AGBL1: variants seen among roughly 807,000 people sequenced by gnomAD.
AGBL1 encodes AGBL carboxypeptidase 1.
In AGBL1, 130 loss-of-function variants were observed where a neutral mutation model predicts 118.9. The observed-to-expected ratio is 1.09, with a 90% CI of 0.95 to 1.26. The LOEUF is 1.26. AGBL1 is among the 50% of genes most tolerant of loss of function. The pLI is 0.00. For missense variants in AGBL1, 1,584 were observed against 1,298.1 expected (o/e 1.22, Z -3.38); for synonymous variants, 555 against 478.9 (o/e 1.16, Z -2.08).
At position 86,526,540 on chromosome 15, in the gene AGBL1, C is replaced by CTGTGTG. The variant is rs201896973; in HGVS notation, c.2685+3606_2685+3607insGTGTGT. On this transcript the variant is annotated intron_variant, in intron 19 of 22. Transcript: ENST00000614907. ...AATATGCACACAGATATGTTTGTGT[C>CTGTGTG]TGTGTATATATATATATATATATAT... 3.5e-3 allele frequency among the ~76,000 whole-genome samples: 171 copies of CTGTGTG among 48,660 alleles called. 1 individual carries two copies. The highest frequency in any genetic ancestry group is 0.012 in the African/African-American group (145 of 12,434). The allele number at this position is 48,660 out of a possible 152,430, so 31.9% of individuals were successfully genotyped here.
chr15:86,780,840 G>A (rs1360026111), intron 22 of AGBL1, among the ~76,000 whole-genome samples: 1 of 151,602 alleles, frequency 6.6e-6, no homozygotes, highest in Non-Finnish European at 1.5e-5. Context: ...GCTAATTTTT[G>A]TATTTTTAGT....
In AGBL1 at chr15:86,150,238, A is replaced by G. The variant is rs1378909844; in HGVS notation, c.263-4192A>G. Among the ~76,000 whole-genome samples, 6 of 152,310 alleles carry G rather than the reference A, an allele frequency of 3.9e-5. No homozygotes were observed. In the East Asian group the frequency reaches 1.2e-3, roughly 29 times the overall value. On this transcript the variant is annotated intron_variant, in intron 3 of 22. Coordinates refer to ENST00000614907, the MANE Select transcript of AGBL1 (RefSeq NM_001386094.1). ...AAGAACTAGAGAAACAAGAACAAAC[A>G]AATGCAAAAGCTAGCATAAGGCAAG...
At chr15:86,850,113 TAA>T (rs1348024995) in intron 22 of AGBL1, among the ~76,000 whole-genome samples, 1 of 152,154 alleles carries the variant, frequency 6.6e-6, no homozygotes, top group Non-Finnish European at 1.5e-5. Flanking sequence ...ATGGAAATGA[TAA>T]GAGAACTCTG....
Position 86,190,863 on chromosome 15 carries a change from G to A in AGBL1, c.488+31837G>A, listed in dbSNP as rs550480703. The stretch of plus-strand genomic sequence containing the variant: ...CTCTAAAAGATATAAGCAAGACGGC[G>A]TACAAAAGACATGAATAATTTAAGC... On this transcript the variant is annotated intron_variant, in intron 5 of 22. Coordinates refer to ENST00000614907, the MANE Select transcript of AGBL1 (RefSeq NM_001386094.1). 7.9e-5 allele frequency among the ~76,000 whole-genome samples: 12 copies of A among 152,238 alleles called. No homozygotes were observed. The East Asian group carries it at 1.7e-3, about 22-fold the overall frequency.
At chr15:86,181,464 A>G (rs2077551896) in intron 5 of AGBL1, among the ~76,000 whole-genome samples, 2 of 152,124 alleles carry the variant, frequency 1.3e-5, no homozygotes, top group South Asian at 4.1e-4. Context: ...AATGTAAAAT[A>G]AACTATGGTG....
rs75547078 is a variant in AGBL1, at chr15:86,852,734, T to C, written c.3159-54353T>C. ...CAACAAGCCATCCTGTGAACCTCTT[T>C]CCTGGAAGCAGGGAAGAGGAATGAG... is the stretch of plus-strand genomic sequence containing the variant. On this transcript the variant is annotated intron_variant, in intron 22 of 22. Transcript: ENST00000614907. Among the ~76,000 whole-genome samples, 859 of 152,270 alleles carry C rather than the reference T, an allele frequency of 5.6e-3. 4 individuals are homozygous for C. The highest frequency in any genetic ancestry group is 0.02 in the African/African-American group (813 of 41,548).
intron 21 of AGBL1, chr15:86,630,714 A>C (rs933137718): frequency 2.6e-5 from 4 of 152,270 alleles, no homozygotes; most frequent in African/African-American, 9.6e-5. Flanking sequence ...AGCTCTGCTC[A>C]GATAGCTCGA....
chr15:86,553,796 G>T (rs1266803370), intron 20 of AGBL1, among the ~76,000 whole-genome samples: 1 of 152,090 alleles, frequency 6.6e-6, no homozygotes, highest in Non-Finnish European at 1.5e-5. Context: ...TTATGGAGTT[G>T]GCCAGGTTGG....
chr15:86,979,750 G>A (rs771524233), intron 23 of AGBL1, among the ~76,000 whole-genome samples: 1 of 152,144 alleles, frequency 6.6e-6, no homozygotes, highest in Non-Finnish European at 1.5e-5. Context: ...TGATCTGCCC[G>A]CCTTGGCCTT....
intron 17 of AGBL1, among the ~76,000 whole-genome samples, chr15:86,329,260 C>T (rs965864965): frequency 6.6e-6 from 1 of 152,084 alleles, no homozygotes; most frequent in African/African-American, 2.4e-5. Flanking sequence ...AGGGCACCCA[C>T]TTGCCTGGAC....
intron 22 of AGBL1, among the ~76,000 whole-genome samples, chr15:86,812,989 T>G (rs765228945): frequency 6.6e-6 from 1 of 152,016 alleles, no homozygotes; most frequent in Non-Finnish European, 1.5e-5. Context: ...AGGAAATTTC[T>G]GGGCAGAATT....
chr15:86,335,701 A>G (rs188677720), intron 17 of AGBL1, among the ~76,000 whole-genome samples: 15 of 152,202 alleles, frequency 9.9e-5, no homozygotes, highest in African/African-American at 3.1e-4. Flanking sequence ...TCAAGAGTAA[A>G]ATAAGGTGTT....
chr15:86,787,452 C>T (rs1221215569), intron 22 of AGBL1, among the ~76,000 whole-genome samples: 2 of 152,098 alleles, frequency 1.3e-5, no homozygotes, highest in African/African-American at 4.8e-5. Context: ...CTAGTAATTG[C>T]TGTTCTAGTC....
At chr15:86,802,526 C>G (rs190889148) in intron 22 of AGBL1, among the ~76,000 whole-genome samples, 1 of 152,070 alleles carries the variant, frequency 6.6e-6, no homozygotes, top group Non-Finnish European at 1.5e-5. Flanking sequence ...TATAATTCTA[C>G]CCTCTTTATT....
intron 9 of AGBL1, among the ~76,000 whole-genome samples, chr15:86,260,102 A>G (rs2078959220): frequency 6.6e-6 from 1 of 152,276 alleles, no homozygotes; most frequent in East Asian, 1.9e-4. Flanking sequence ...GATGAATTGT[A>G]GAGAAGGAGA....
At position 86,247,679 on chromosome 15, in the gene AGBL1, G is replaced by A. The variant is rs987316890; in HGVS notation, c.535G>A (p.Gly179Ser). ...LAALLKSKSN[G>S]RRAVNRGYVT... is the part of the protein sequence containing the mutation. Reference sequence around the variant, plus strand: ...TTTCCCTTTGTTTTCAGAGTCGAACGGCCGCAGAGCAGTGAACCGAGGCTA... The same window carrying A: ...TTTCCCTTTGTTTTCAGAGTCGAACAGCCGCAGAGCAGTGAACCGAGGCTA... The change falls in exon 7 of 23, where the codon GGC becomes AGC. Residue 179 changes from glycine (G) to serine (S), a missense_variant. Gly to Ser is a moderately conservative substitution (Grantham distance 56). Transcript: ENST00000614907. 4 of 1,604,324 alleles carry A rather than the reference G, an allele frequency of 2.5e-6. No individual in the cohort carries two copies. Among genetic ancestry groups the A allele is most frequent in the Middle Eastern group, 1.7e-4 (1 of 6,000 alleles).
intron 1 of AGBL1, among the ~76,000 whole-genome samples, chr15:86,102,485 C>A (rs921026784): frequency 1.3e-5 from 2 of 152,078 alleles, no homozygotes; most frequent in Non-Finnish European, 1.5e-5. Flanking sequence ...GTGGTGATAC[C>A]TTTTCTCAGC....
chr15:86,529,392 A>C (rs987495896), intron 19 of AGBL1, among the ~76,000 whole-genome samples: 12 of 133,916 alleles, frequency 9.0e-5, no homozygotes, highest in African/African-American at 3.1e-4. Flanking sequence ...ATGAAGCGAG[A>C]AGGGAAGTTT....
At chr15:86,815,014 T>C (rs930945900) in intron 22 of AGBL1, among the ~76,000 whole-genome samples, 6 of 152,194 alleles carry the variant, frequency 3.9e-5, no homozygotes, top group African/African-American at 9.7e-5. Flanking sequence ...AGTAGTCAGA[T>C]AACTGTTTTG....
Sources: allele counts gnomAD v4.1 joint callset (sites outside exome capture counted in the v4.1 genomes callset), GRCh38; gene constraint gnomAD v4.1.1; transcripts MANE v1.5; gene names NCBI Gene and HGNC (gene_info 2026-07-23, HGNC 2026-07-21).